FBXL13: variants seen among roughly 807,000 people sequenced by gnomAD.
FBXL13 encodes F-box and leucine-rich repeat protein 13.
FBXL13 carries 67 observed loss-of-function variants against 83.6 expected under a neutral mutation model. The ratio of observed to expected loss-of-function variants is 0.80; its 90% CI spans 0.66 to 0.98. The LOEUF is 0.98. FBXL13 is among the 50% of genes least tolerant of loss of function. FBXL13 has a pLI of 0.00. For synonymous variants in FBXL13, 272 were observed against 299.5 expected (o/e 0.91, Z 0.95); for missense variants, 822 against 866.5 (o/e 0.95, Z 0.64).
chr7:103,027,290 CTG>C (rs1794035779), intron 5 of FBXL13, among the ~76,000 whole-genome samples, 157 bp downstream of exon 6: 1 of 152,020 alleles, frequency 6.6e-6, no homozygotes, highest in Admixed American at 6.5e-5. Context: ...GAGCAAAACT[CTG>C]TCCCAAAAAA....
intron 8 of FBXL13, among the ~76,000 whole-genome samples, chr7:102,936,874 T>C (rs574806447): frequency 6.6e-6 from 1 of 152,206 alleles, no homozygotes; most frequent in Non-Finnish European, 1.5e-5. Flanking sequence ...TTTATGCTCT[T>C]GGGCCATTCC....
chr7:103,052,756 C>CTTT (rs67278019), intron 2 of FBXL13, among the ~76,000 whole-genome samples: 1 of 134,308 alleles, frequency 7.4e-6, no homozygotes, highest in Non-Finnish European at 1.6e-5. Context: ...AATTCCTTTT[C>CTTT]TTTTTTTTTT....
intron 16 of FBXL13, among the ~76,000 whole-genome samples, chr7:102,869,581 T>G (rs991708953): frequency 6.6e-6 from 1 of 152,226 alleles, no homozygotes; most frequent in Non-Finnish European, 1.5e-5. Context: ...TTTCGTCTAT[T>G]CTTTATTCAA....
chr7:102,969,907 G>C (rs150452962), intron 6 of FBXL13, among the ~76,000 whole-genome samples: 4 of 151,784 alleles, frequency 2.6e-5, no homozygotes, highest in African/African-American at 7.3e-5. Context: ...GAAAAGAAAA[G>C]AAATCAACCA....
At chr7:103,018,385 A>G (rs142058277) in intron 6 of FBXL13, among the ~76,000 whole-genome samples, 1,674 of 152,244 alleles carry the variant, frequency 0.011, 35 homozygotes, top group African/African-American at 0.039. Flanking sequence ...AAATTGGAAA[A>G]ACCATCGATG....
intron 10 of FBXL13, 100 bp from the exon 12 acceptor site, chr7:102,913,315 T>C (rs933962066): frequency 6.9e-7 from 1 of 1,438,886 alleles, no homozygotes; most frequent in Non-Finnish European, 9.5e-7. Context: ...ATTCAACTCT[T>C]CTTCTTGCAG....
chr7:103,001,496 A>AT (rs1306309232), intron 6 of FBXL13, among the ~76,000 whole-genome samples: 2 of 152,130 alleles, frequency 1.3e-5, no homozygotes, highest in Non-Finnish European at 2.9e-5. Context: ...CTGGTAAAGT[A>AT]TTGTTTCTAA....
chr7:102,990,276 T>C (rs1829427267), intron 6 of FBXL13, among the ~76,000 whole-genome samples: 1 of 152,060 alleles, frequency 6.6e-6, no homozygotes, highest in Non-Finnish European at 1.5e-5. Context: ...GCAAGAAACC[T>C]ATCCTGAGGA....
intron 10 of FBXL13, 61 bp from the exon 12 acceptor site, chr7:102,913,276 T>G: frequency 6.2e-7 from 1 of 1,602,046 alleles, no homozygotes; most frequent in Non-Finnish European, 8.5e-7. Flanking sequence ...CAAATCTTTC[T>G]TAAGCCACTA....
At chr7:103,035,074 C>T (rs1005634329) in intron 2 of FBXL13, among the ~76,000 whole-genome samples, 11 of 152,274 alleles carry the variant, frequency 7.2e-5, no homozygotes, top group Non-Finnish European at 1.5e-4. Flanking sequence ...CAGAAAAATA[C>T]GGCATCTTGT....
chr7:102,983,273 G>GGCCACTTCCACTAGCAGTAGGATT (rs1563184516), intron 6 of FBXL13, among the ~76,000 whole-genome samples: 3 of 152,070 alleles, frequency 2.0e-5, no homozygotes, highest in Non-Finnish European at 1.5e-5. Flanking sequence ...GGAGTGCGGA[G>GGCCACTTCCACTAGCAGTAGGATT]GCCACTTCCA....
chr7:102,882,505 T>C (rs1479489742), intron 14 of FBXL13, among the ~76,000 whole-genome samples: 1 of 152,128 alleles, frequency 6.6e-6, no homozygotes. Context: ...CTCACACTTG[T>C]ATTCCCAGCA....
intron 16 of FBXL13, among the ~76,000 whole-genome samples, chr7:102,866,538 C>T (rs988621956): frequency 7.9e-5 from 12 of 152,172 alleles, no homozygotes; most frequent in Non-Finnish European, 1.5e-4. Flanking sequence ...TCTGAACTAC[C>T]GTGCTTCCTT....
intron 8 of FBXL13, chr7:102,939,332 TC>T: frequency 9.6e-7 from 1 of 1,042,004 alleles, no homozygotes; most frequent in Non-Finnish European, 1.4e-6. Context: ...TTACCCCTTC[TC>T]TTTAAGAGCT....
chr7:102,934,052 C>A, intron 8 of FBXL13: 3 of 1,614,128 alleles, frequency 1.9e-6, no homozygotes, highest in Non-Finnish European at 2.5e-6. Context: ...CCCGGTCAAA[C>A]GCTACGCACC....
At chr7:103,019,950 G>A (rs1240663740) in intron 6 of FBXL13, among the ~76,000 whole-genome samples, 1 of 152,154 alleles carries the variant, frequency 6.6e-6, no homozygotes, top group Non-Finnish European at 1.5e-5. Context: ...CAGAAAAAGA[G>A]GGAACAACCC....
intron 17 of FBXL13, among the ~76,000 whole-genome samples, chr7:102,843,273 G>A (rs1195877251): frequency 3.3e-5 from 5 of 151,914 alleles, no homozygotes; most frequent in South Asian, 2.1e-4. Flanking sequence ...CTGAAACCCC[G>A]TCTCTACTAA....
intron 18 of FBXL13, among the ~76,000 whole-genome samples, chr7:102,830,015 A>G (rs1800377081): frequency 6.6e-6 from 1 of 151,808 alleles, no homozygotes; most frequent in Admixed American, 6.6e-5. Flanking sequence ...AAATCTTTCT[A>G]CTCCTTTGTA....
intron 6 of FBXL13, among the ~76,000 whole-genome samples, chr7:102,977,927 T>C (rs947178365): frequency 1.3e-5 from 2 of 151,746 alleles, no homozygotes; most frequent in African/African-American, 4.8e-5. Context: ...AAGGGGAACA[T>C]CACACACCGG....
Sources: allele counts gnomAD v4.1 joint callset (sites outside exome capture counted in the v4.1 genomes callset), GRCh38; gene constraint gnomAD v4.1.1; transcripts MANE v1.5; gene names NCBI Gene and HGNC (gene_info 2026-07-23, HGNC 2026-07-21).